SPRED2: variants seen among roughly 807,000 people sequenced by gnomAD.
The protein encoded by SPRED2 is sprouty related EVH1 domain containing 2.
SPRED2 carries 47 observed loss-of-function variants against 43.0 expected under a neutral mutation model. The ratio of observed to expected loss-of-function variants is 1.09; its 90% CI spans 0.87 to 1.40. The LOEUF is 1.40. SPRED2 is among the 40% of genes most tolerant of loss of function. The probability of loss-of-function intolerance (pLI) is 0.00; values close to 1 mark genes in which losing one functional copy is unlikely to be tolerated. For missense variants in SPRED2, 561 were observed against 586.4 expected (o/e 0.96, Z 0.45); for synonymous variants, 225 against 225.7 (o/e 1.00, Z 0.03).
chr2:65,407,627 A>C (rs1209673559), intron 1 of SPRED2, among the ~76,000 whole-genome samples: 5 of 152,096 alleles, frequency 3.3e-5, no homozygotes, highest in African/African-American at 7.2e-5. Flanking sequence ...TTGGAAATCT[A>C]GGTTTGGGTG....
intron 1 of SPRED2, among the ~76,000 whole-genome samples, chr2:65,375,083 T>G (rs1675209891): frequency 6.6e-6 from 1 of 152,214 alleles, no homozygotes; most frequent in Non-Finnish European, 1.5e-5. Flanking sequence ...TGAGAACATT[T>G]AGAGAGTAGA....
At chr2:65,401,937 G>GCACGCACGCACA (rs1553426623) in intron 1 of SPRED2, among the ~76,000 whole-genome samples, 1 of 114,714 alleles carries the variant, frequency 8.7e-6, no homozygotes, top group African/African-American at 3.4e-5. Flanking sequence ...GCGCGCGCGC[G>GCACGCACGCACA]CACACACACA....
At chr2:65,362,942 G>A (rs982191167) in intron 1 of SPRED2, among the ~76,000 whole-genome samples, 2 of 150,658 alleles carry the variant, frequency 1.3e-5, no homozygotes, top group Non-Finnish European at 3.0e-5. Flanking sequence ...TTGGGAGGCC[G>A]AGGCGGGCGA....
chr2:65,325,624 C>CCCGTT (rs1673587926), intron 4 of SPRED2, among the ~76,000 whole-genome samples: 1 of 152,102 alleles, frequency 6.6e-6, no homozygotes, highest in Non-Finnish European at 1.5e-5. Context: ...TTGGACTAAG[C>CCCGTT]CCGTTGCTTA....
chr2:65,408,779 C>T (rs1324163472), intron 1 of SPRED2, among the ~76,000 whole-genome samples: 1 of 152,142 alleles, frequency 6.6e-6, no homozygotes, highest in Non-Finnish European at 1.5e-5. Context: ...TGGGGTTCCA[C>T]TATACTGGCC....
At chr2:65,401,932 C>CGCGCAT (rs1553426594) in intron 1 of SPRED2, among the ~76,000 whole-genome samples, 2 of 117,890 alleles carry the variant, frequency 1.7e-5, no homozygotes, top group African/African-American at 8.1e-5. Flanking sequence ...TATTAGCGCG[C>CGCGCAT]GCGCGCACAC....
intron 4 of SPRED2, among the ~76,000 whole-genome samples, chr2:65,325,331 T>C (rs755940408): frequency 6.6e-6 from 1 of 152,134 alleles, no homozygotes; most frequent in Non-Finnish European, 1.5e-5. Context: ...AATAGGGCCA[T>C]AGAAAACAAT....
intron 1 of SPRED2, among the ~76,000 whole-genome samples, chr2:65,410,691 G>A (rs1202321080): frequency 4.6e-5 from 7 of 151,726 alleles, no homozygotes; most frequent in Non-Finnish European, 7.4e-5. Flanking sequence ...CCCGCGAGGC[G>A]GAGCTTGCAG....
At chr2:65,354,847 C>T (rs1674603365) in intron 1 of SPRED2, among the ~76,000 whole-genome samples, 1 of 152,158 alleles carries the variant, frequency 6.6e-6, no homozygotes, top group African/African-American at 2.4e-5. Flanking sequence ...AGCTTCAGCA[C>T]ACAGGCAGCC....
rs532399311 is a variant in SPRED2, at chr2:65,346,043, T to C, written c.27-1147A>G. Among the ~76,000 whole-genome samples, 388 of 152,318 alleles carry C rather than the reference T, an allele frequency of 2.5e-3. 2 individuals carry two copies. The highest frequency in any genetic ancestry group is 3.5e-3 in the Non-Finnish European group (238 of 68,024). ...TATAACAGATTCTCAGGAAACAAAG[T>C]TGCAGAGTAACAAAGAACCCCCATT... On this transcript the variant is annotated intron_variant, in intron 1 of 5. Coordinates refer to ENST00000356388, the MANE Select transcript of SPRED2 (RefSeq NM_181784.3).
At chr2:65,338,868 GC>G (rs1299516937) in intron 2 of SPRED2, among the ~76,000 whole-genome samples, 1 of 151,612 alleles carries the variant, frequency 6.6e-6, no homozygotes, top group African/African-American at 2.4e-5. Context: ...CCTCCTCCCG[GC>G]CGCCATCCCA....
chr2:65,369,370 A>G (rs1231539338), intron 1 of SPRED2, among the ~76,000 whole-genome samples: 3 of 152,154 alleles, frequency 2.0e-5, no homozygotes, highest in Non-Finnish European at 4.4e-5. Flanking sequence ...TGCATTTTCC[A>G]AATTTATTTG....
At position 65,344,758 on chromosome 2, in the gene SPRED2, G is replaced by A. The variant is rs187851220; in HGVS notation, c.165C>T (p.Ser55=). The change falls in exon 2 of 6, where the codon AGC becomes AGT. Residue 55 remains serine, a synonymous_variant. Transcript: ENST00000356388. The stretch of plus-strand genomic sequence containing the variant: ...GTCGTTCACCATGGATGAGAAAGCC[G>A]CTTCGTCCATTGCCTTCGGGGTGCA... ...KVMHPEGNGR[S]GFLIHGERQK... is the part of the protein sequence containing the mutation. 1.5e-5 allele frequency: 25 copies of A among 1,614,084 alleles called. No homozygotes were observed. Among genetic ancestry groups the A allele is most frequent in the Middle Eastern group, 1.6e-4 (1 of 6,062 alleles).
chr2:65,412,451 T>C (rs911903271), intron 1 of SPRED2, among the ~76,000 whole-genome samples: 12 of 152,212 alleles, frequency 7.9e-5, no homozygotes, highest in Non-Finnish European at 1.2e-4. Flanking sequence ...TAAGGACTAA[T>C]TGGGCTGCAC....
intron 1 of SPRED2, among the ~76,000 whole-genome samples, chr2:65,426,954 G>T (rs1676570177): frequency 6.6e-6 from 1 of 152,158 alleles, no homozygotes; most frequent in Non-Finnish European, 1.5e-5. Flanking sequence ...TCCACTCCAG[G>T]TCTACCACCT....
chr2:65,399,142 C>T (rs901428300), intron 1 of SPRED2, among the ~76,000 whole-genome samples: 13 of 151,472 alleles, frequency 8.6e-5, no homozygotes, highest in Admixed American at 3.3e-4. Flanking sequence ...TGGTGGCGGG[C>T]GCCTGTAGTC....
intron 2 of SPRED2, 134 bp from the exon 3 acceptor site, chr2:65,334,907 G>GA: frequency 1.2e-6 from 1 of 839,716 alleles, no homozygotes; most frequent in Non-Finnish European, 1.9e-6. Flanking sequence ...ACATATCTGT[G>GA]AGTCTCTCCA....
rs1187636814 is a variant in SPRED2, at chr2:65,334,656, C to T, written c.322G>A (p.Ala108Thr). The change falls in exon 3 of 6, where the codon GCC (alanine) becomes ACC (threonine). Residue 108 changes from alanine to threonine, a missense_variant. Physicochemically the swap from Ala to Thr is moderately conservative, Grantham distance 58 (BLOSUM62 0). Coordinates refer to ENST00000356388, the MANE Select transcript of SPRED2 (RefSeq NM_181784.3). ...FGLTFQSPAD[A>T]RAFDRGVRKA... ...CTTACTCCCCTGTCAAAGGCTCGGG[C>T]ATCAGCAGGGCTTTGGAAAGTAAGT... is the stretch of plus-strand genomic sequence containing the variant. The T allele has an allele frequency of 6.2e-7, 1 of 1,614,254 alleles. No homozygotes were observed.
At chr2:65,393,106 G>A (rs1675675565) in intron 1 of SPRED2, among the ~76,000 whole-genome samples, 1 of 152,174 alleles carries the variant, frequency 6.6e-6, no homozygotes, top group Non-Finnish European at 1.5e-5. Context: ...AAATAAGGCA[G>A]TATGTTATTT....
Sources: gnomAD v4.1 joint callset for allele counts (sites outside exome capture counted in the v4.1 genomes callset) on GRCh38, gnomAD v4.1.1 for gene constraint, MANE v1.5 for transcripts, NCBI Gene and HGNC (gene_info 2026-07-23, HGNC 2026-07-21) for gene names.